The following INSYN2A variants were observed in gnomAD, a reference collection of about 807,000 sequenced individuals.
INSYN2A encodes family with sequence similarity 196 member A.
A neutral mutation model predicts 39.4 loss-of-function variants in INSYN2A; 17 were observed. The observed-to-expected ratio is 0.43, with a 90% confidence interval of 0.30 to 0.65. The LOEUF (loss-of-function observed/expected upper bound fraction) is 0.65, where lower values mean the gene tolerates loss of function less well. Among genes scored for constraint, INSYN2A ranks in the 30% least tolerant of loss-of-function variants. The pLI is 0.14. For synonymous variants in INSYN2A, 255 were observed against 265.7 expected (o/e 0.96, Z 0.39); for missense variants, 595 against 631.2 (o/e 0.94, Z 0.61).
intron 4 of INSYN2A, among the ~76,000 whole-genome samples, chr10:127,159,018 C>T (rs1157053778): frequency 6.6e-6 from 1 of 152,104 alleles, no homozygotes; most frequent in Non-Finnish European, 1.5e-5. Flanking sequence ...TTTGAACACT[C>T]CTTGGTCAAG....
chr10:127,165,136 G>A (rs558835537), intron 4 of INSYN2A, among the ~76,000 whole-genome samples: 9 of 152,300 alleles, frequency 5.9e-5, no homozygotes, highest in South Asian at 4.1e-4. Context: ...CTGTCACAGA[G>A]GTTCGAATTT....
At chr10:127,184,590 A>G (rs933542945) in intron 2 of INSYN2A, among the ~76,000 whole-genome samples, 2 of 151,406 alleles carry the variant, frequency 1.3e-5, no homozygotes, top group African/African-American at 4.9e-5. Flanking sequence ...ACTTCCAAAG[A>G]GTCTCTTATT....
intron 1 of INSYN2A, among the ~76,000 whole-genome samples, chr10:127,195,768 C>T (rs979782793): frequency 1.4e-4 from 21 of 152,166 alleles, no homozygotes; most frequent in Admixed American, 3.3e-4. Context: ...CCCGGTCGCG[C>T]CAGATGCAGT....
At chr10:127,193,759 C>T (rs2056910566) in intron 1 of INSYN2A, among the ~76,000 whole-genome samples, 1 of 151,698 alleles carries the variant, frequency 6.6e-6, no homozygotes, top group African/African-American at 2.4e-5. Flanking sequence ...AAAAATTTTT[C>T]CCTACAGAGG....
intron 4 of INSYN2A, among the ~76,000 whole-genome samples, chr10:127,174,567 GCC>G (rs2133878890): frequency 6.6e-6 from 1 of 152,276 alleles, no homozygotes; most frequent in South Asian, 2.1e-4. Flanking sequence ...TCTTTCTGCA[GCC>G]CCACTGGACA....
chr10:127,175,983 C>G lies in INSYN2A; in HGVS notation c.413G>C (p.Ser138Thr), dbSNP rs940714348. The G allele has an allele frequency of 2.5e-6, 4 of 1,614,098 alleles. No homozygotes were observed. The African/African-American group carries it at 4.0e-5, about 16-fold the overall frequency. Residue 138 changes from serine to threonine, a missense_variant, in exon 4 of 6, where the codon AGC becomes ACC. Coordinates refer to ENST00000522781, the MANE Select transcript of INSYN2A (RefSeq NM_001039762.3). The surrounding 1 kb of genome is among the most constrained non-coding windows in gnomAD (Gnocchi z 6.3). ...KSLPAADPFKSQNNGFLTDAK... is the reference protein window; with the variant it reads ...KSLPAADPFKTQNNGFLTDAK... Reference sequence around the variant, plus strand: ...ATCTGTTAGAAACCCATTGTTTTGGCTTTTAAAGGGATCTGCAGCTGGGAG... The same window carrying G: ...ATCTGTTAGAAACCCATTGTTTTGGGTTTTAAAGGGATCTGCAGCTGGGAG...
chr10:127,149,913 C>G (rs1179377154), intron 5 of INSYN2A, among the ~76,000 whole-genome samples: 2 of 152,088 alleles, frequency 1.3e-5, no homozygotes, highest in Non-Finnish European at 2.9e-5. Context: ...TTCCTGAACT[C>G]CCGGATTCAG....
intron 4 of INSYN2A, among the ~76,000 whole-genome samples, chr10:127,172,604 G>C (rs1399373722): frequency 6.6e-6 from 1 of 152,170 alleles, no homozygotes; most frequent in African/African-American, 2.4e-5. Flanking sequence ...TTGAATTTTG[G>C]AGCCCATAAG....
intron 5 of INSYN2A, chr10:127,146,099 A>G (rs779927392): frequency 3.1e-5 from 16 of 509,616 alleles, no homozygotes; most frequent in South Asian, 2.3e-4. Flanking sequence ...AAATCTCCAT[A>G]CTCATCTAAA....
At chr10:127,156,014 A>C (rs2053008189) in intron 4 of INSYN2A, among the ~76,000 whole-genome samples, 1 of 152,186 alleles carries the variant, frequency 6.6e-6, no homozygotes, top group South Asian at 2.1e-4. Flanking sequence ...TGCTAGTCAT[A>C]TCCAAATTTT....
intron 4 of INSYN2A, among the ~76,000 whole-genome samples, chr10:127,154,647 A>G (rs1281516450): frequency 6.6e-6 from 1 of 152,112 alleles, no homozygotes; most frequent in Non-Finnish European, 1.5e-5. Flanking sequence ...TCTTACTCCC[A>G]TTGCCATAAC....
In INSYN2A at chr10:127,176,404, C is replaced by T; in HGVS notation, c.-5-4G>A. ...GTGTCCTTACTGACCATGGTTCCTGCATTCAGAAACAGCAACAGAGGTGTC... is the reference window on the plus strand; with the variant it reads ...GTGTCCTTACTGACCATGGTTCCTGTATTCAGAAACAGCAACAGAGGTGTC... On this transcript the variant is annotated splice_region_variant and splice_polypyrimidine_tract_variant and intron_variant, in intron 3 of 5. Transcript: ENST00000522781. This position sits in a 1 kb window ranked among gnomAD's most constrained non-coding sequence, Gnocchi z 4.4. The T allele has an allele frequency of 1.3e-6, 2 of 1,587,282 alleles. No individual in the cohort carries two copies. The highest frequency in any genetic ancestry group is 1.7e-4 in the Middle Eastern group (1 of 5,962).
Position 127,136,332 on chromosome 10 carries a change from C to T in INSYN2A, c.*1505G>A, listed in dbSNP as rs754123342. 1 of 152,072 alleles carries T rather than the reference C, an allele frequency of 6.6e-6. No homozygotes were observed. Among genetic ancestry groups the T allele is most frequent in the Non-Finnish European group, 1.5e-5 (1 of 68,016 alleles). The allele number at this position is 152,072 out of a possible 1,614,324, so 9.4% of individuals were successfully genotyped here. The stretch of plus-strand genomic sequence containing the variant: ...CAATCTGACAAAAGCAGGTGAGATC[C>T]TTTTACCAAGGTTAGCCACTGTGTG... On this transcript the variant is annotated 3_prime_UTR_variant, in exon 6 of 6. Coordinates refer to ENST00000522781, the MANE Select transcript of INSYN2A (RefSeq NM_001039762.3).
In INSYN2A at chr10:127,166,017, T is replaced by G. The variant is rs552146737; in HGVS notation, c.1184+9195A>C. ...TCAAGTAAAAGGGAAAATCCAGACTTGCATTAGCAAAAAAATTAAAAAATT... is the reference window on the plus strand; with the variant it reads ...TCAAGTAAAAGGGAAAATCCAGACTGGCATTAGCAAAAAAATTAAAAAATT... On this transcript the variant is annotated intron_variant, in intron 4 of 5. Coordinates refer to ENST00000522781, the MANE Select transcript of INSYN2A (RefSeq NM_001039762.3). 2.0e-5 allele frequency among the ~76,000 whole-genome samples: 3 copies of G among 152,284 alleles called. No homozygotes were observed. In the East Asian group the frequency reaches 5.8e-4, roughly 29 times the overall value.
At chr10:127,162,772 G>A (rs2053700599) in intron 4 of INSYN2A, among the ~76,000 whole-genome samples, 1 of 152,194 alleles carries the variant, frequency 6.6e-6, no homozygotes, top group African/African-American at 2.4e-5. Context: ...GGCCTCCCCA[G>A]GCCTGCCAGT....
chr10:127,154,479 C>A (rs1037949309), intron 4 of INSYN2A, among the ~76,000 whole-genome samples: 6 of 152,148 alleles, frequency 3.9e-5, no homozygotes, highest in African/African-American at 1.4e-4. Flanking sequence ...ATTTCAGTGT[C>A]CATGAATAAA....
chr10:127,137,960 G>A lies in INSYN2A; in HGVS notation c.1317C>T (p.His439=), dbSNP rs140342113. The A allele has an allele frequency of 8.7e-6, 14 of 1,613,914 alleles. No individual in the cohort carries two copies. In the African/African-American group the frequency reaches 1.6e-4, roughly 18 times the overall value. The change falls in exon 6 of 6, where the codon CAC becomes CAT. Residue 439 remains histidine (H), a synonymous_variant. Transcript: ENST00000522781. ...GTATGACCTGAGTTTCCTCAATAGGGTGGAGTTTTCTTAGAACCGGCTGGA... is the reference window on the plus strand; with the variant it reads ...GTATGACCTGAGTTTCCTCAATAGGATGGAGTTTTCTTAGAACCGGCTGGA... ...DKLQPVLRKL[H]PIEETQVIPS...
intron 5 of INSYN2A, among the ~76,000 whole-genome samples, chr10:127,153,547 C>G (rs1357056217): frequency 6.6e-6 from 1 of 152,188 alleles, no homozygotes; most frequent in Non-Finnish European, 1.5e-5. Context: ...TACAGCCTTT[C>G]CAGAACACAG....
At chr10:127,181,173 T>C (rs1423431611) in intron 2 of INSYN2A, among the ~76,000 whole-genome samples, 5 of 152,234 alleles carry the variant, frequency 3.3e-5, no homozygotes, top group Non-Finnish European at 5.9e-5. Context: ...TGTATATGTA[T>C]GTATATATGC....
Sources: gnomAD v4.1 joint callset for allele counts (sites outside exome capture counted in the v4.1 genomes callset) on GRCh38, gnomAD v4.1.1 for gene constraint, Gnocchi (gnomAD v3.1) non-coding constraint, MANE v1.5 for transcripts, NCBI Gene and HGNC (gene_info 2026-07-23, HGNC 2026-07-21) for gene names.